MAB21L2: variants seen among roughly 807,000 people sequenced by gnomAD.
The protein encoded by MAB21L2 is protein mab-21-like 2.
A neutral mutation model predicts 29.8 loss-of-function variants in MAB21L2; 15 were observed. That is an observed-to-expected ratio of 0.50 (90% confidence interval 0.34 to 0.78). The LOEUF is 0.78. Among genes scored for constraint, MAB21L2 ranks in the 30% least tolerant of loss-of-function variants. MAB21L2 has a pLI of 0.01. For synonymous variants in MAB21L2, 218 were observed against 210.4 expected, an observed-to-expected ratio of 1.04 and a Z score of -0.31; for missense variants, 321 against 480.1, an observed-to-expected ratio of 0.67 and a Z score of 3.10.
At position 150,583,823 on chromosome 4, in the gene MAB21L2, C is replaced by G; in HGVS notation, c.794C>G (p.Pro265Arg). The change falls in exon 1 of 1, where the codon CCC becomes CGC. Residue 265 changes from proline to arginine, a missense_variant. By Grantham distance (103) the Pro-to-Arg change is moderately radical. Coordinates refer to ENST00000317605, the MANE Select transcript of MAB21L2 (RefSeq NM_006439.5). This position sits in a 1 kb window ranked among gnomAD's most constrained non-coding sequence, Gnocchi z 9.8. The stretch of plus-strand genomic sequence containing the variant: ...CTGCGGGACCGCCACCTGGAGCTAC[C>G]CGGCCAGCCGCTCAACAACTACCAC... ...KTLRDRHLEL[P>R]GQPLNNYHMK... 1 of 1,614,192 alleles carries G rather than the reference C, an allele frequency of 6.2e-7. No homozygotes were observed. The highest frequency in any genetic ancestry group is 1.1e-5 in the South Asian group (1 of 91,078).
At position 150,582,786 on chromosome 4, in the gene MAB21L2, A is replaced by G; in HGVS notation, c.-244A>G. On this transcript the variant is annotated 5_prime_UTR_variant, in exon 1 of 1. Transcript: ENST00000317605. ...TTCCAAGAGGTACTTTTCTTTTTAG[A>G]AAATCACCTTTTCTCCCCTAATTCT... The G allele has an allele frequency of 2.2e-6, 1 of 455,692 alleles. No homozygotes were observed. The allele number at this position is 455,692 out of a possible 1,614,324, so 28.2% of individuals were successfully genotyped here.
rs2126411492 is a variant in MAB21L2 at position 150,584,677 on chromosome 4, ATTACT to A, written c.*573_*577del. The A allele has an allele frequency of 6.0e-6, 1 of 167,172 alleles. No homozygotes were observed. Among genetic ancestry groups the A allele is most frequent in the African/African-American group, 2.4e-5 (1 of 41,558 alleles). The allele number at this position is 167,172 out of a possible 1,614,324, so 10.4% of individuals were successfully genotyped here. On this transcript the variant is annotated 3_prime_UTR_variant, in exon 1 of 1. Transcript: ENST00000317605. ...TCTTGTTGAAAACAGTAATAAAAAC[ATTACT>A]TTACATTGTAATTGACTGTTTGTGG...
Position 150,583,023 on chromosome 4 carries a change from C to A in MAB21L2, c.-7C>A. 6.3e-7 allele frequency: 1 copy of A among 1,582,676 alleles called. No homozygotes were observed. Among genetic ancestry groups the A allele is most frequent in the Non-Finnish European group, 8.6e-7 (1 of 1,163,024 alleles). ...CGCCGGTGTATAGCCCGGACCTGTG[C>A]CCCAACATGATCGCCGCTCAGGCCA... On this transcript the variant is annotated 5_prime_UTR_variant, in exon 1 of 1. Coordinates refer to ENST00000317605, the MANE Select transcript of MAB21L2 (RefSeq NM_006439.5). The surrounding 1 kb of genome is among the most constrained non-coding windows in gnomAD (Gnocchi z 9.8).
At position 150,583,177 on chromosome 4, in the gene MAB21L2, C is replaced by T; in HGVS notation, c.148C>T (p.Pro50Ser). Residue 50 changes from proline (P) to serine (S), a missense_variant, in exon 1 of 1, where the codon CCT becomes TCT. Pro to Ser is a moderately conservative substitution (Grantham distance 74). Coordinates refer to ENST00000317605, the MANE Select transcript of MAB21L2 (RefSeq NM_006439.5). This position sits in a 1 kb window ranked among gnomAD's most constrained non-coding sequence, Gnocchi z 9.8. ...DVLKEVEVQE[P>S]RFISSLSEID... ...GCTCAAGGAAGTGGAGGTGCAGGAG[C>T]CTCGCTTCATCAGCTCCTTGAGCGA... 1.2e-6 allele frequency: 2 copies of T among 1,614,180 alleles called. No individual in the cohort carries two copies. Among genetic ancestry groups the T allele is most frequent in the Non-Finnish European group, 1.7e-6 (2 of 1,180,028 alleles).
Position 150,583,868 on chromosome 4 carries a change from A to G in MAB21L2, c.839A>G (p.Tyr280Cys). 1.9e-6 allele frequency: 3 copies of G among 1,613,998 alleles called. No homozygotes were observed. Among genetic ancestry groups the G allele is most frequent in the Non-Finnish European group, 2.5e-6 (3 of 1,179,972 alleles). ...TACCACATGAAGACGCTGCTGCTGT[A>G]CGAGTGCGAGAAACACCCACGAGAA... The part of the protein sequence containing the change: ...NNYHMKTLLL[Y>C]ECEKHPRETD... Residue 280 changes from tyrosine (Y) to cysteine (C), a missense_variant, in exon 1 of 1, where the codon TAC (tyrosine) becomes TGC (cysteine). Transcript: ENST00000317605. This position sits in a 1 kb window ranked among gnomAD's most constrained non-coding sequence, Gnocchi z 9.8.
chr4:150,584,119 G>A lies in MAB21L2; in HGVS notation c.*10G>A, dbSNP rs961899601. ...CCTGGACAAACTATAGGGTGCTGGG[G>A]ACTGCTTGAAAAGCGACACAAACGG... On this transcript the variant is annotated 3_prime_UTR_variant, in exon 1 of 1. Coordinates refer to ENST00000317605, the MANE Select transcript of MAB21L2 (RefSeq NM_006439.5). 1 of 1,512,592 alleles carries A rather than the reference G, an allele frequency of 6.6e-7. No individual in the cohort carries two copies. The highest frequency in any genetic ancestry group is 1.4e-5 in the African/African-American group (1 of 71,608). 93.7% of individuals were successfully genotyped at this position (1,512,592 alleles called of 1,614,324 possible).
chr4:150,583,456 T>G lies in MAB21L2; in HGVS notation c.427T>G (p.Cys143Gly). The G allele has an allele frequency of 6.2e-7, 1 of 1,613,848 alleles. No homozygotes were observed. The highest frequency in any genetic ancestry group is 8.5e-7 in the Non-Finnish European group (1 of 1,180,018). Residue 143 changes from cysteine to glycine, a missense_variant, in exon 1 of 1, where the codon TGC becomes GGC. By Grantham distance (159) the Cys-to-Gly change is radical (BLOSUM62 -3). Coordinates refer to ENST00000317605, the MANE Select transcript of MAB21L2 (RefSeq NM_006439.5). This position sits in a 1 kb window ranked among gnomAD's most constrained non-coding sequence, Gnocchi z 9.8. ...GCTGGTGGCCCAGGCGGTGGACAAG[T>G]GCAGCTATCGGGATGTGGTCAAGAT... The part of the protein sequence containing the change: ...QTLVAQAVDK[C>G]SYRDVVKMIA...
chr4:150,583,861 C>G lies in MAB21L2; in HGVS notation c.832C>G (p.Leu278Val), dbSNP rs999696293. The G allele has an allele frequency of 6.2e-7, 1 of 1,613,960 alleles. No individual in the cohort carries two copies. Among genetic ancestry groups the G allele is most frequent in the Non-Finnish European group, 8.5e-7 (1 of 1,179,992 alleles). The change falls in exon 1 of 1, where the codon CTG becomes GTG. Residue 278 changes from leucine to valine, a missense_variant. Physicochemically the swap from Leu to Val is conservative, Grantham distance 32 (BLOSUM62 1). Coordinates refer to ENST00000317605, the MANE Select transcript of MAB21L2 (RefSeq NM_006439.5). This position sits in a 1 kb window ranked among gnomAD's most constrained non-coding sequence, Gnocchi z 9.8. ...CAACAACTACCACATGAAGACGCTG[C>G]TGCTGTACGAGTGCGAGAAACACCC... ...PLNNYHMKTL[L>V]LYECEKHPRE...
At position 150,583,773 on chromosome 4, in the gene MAB21L2, C is replaced by T; in HGVS notation, c.744C>T (p.Asn248=). Residue 248 remains asparagine (N), a synonymous_variant, in exon 1 of 1, where the codon AAC becomes AAT. Transcript: ENST00000317605. The surrounding 1 kb of genome is among the most constrained non-coding windows in gnomAD (Gnocchi z 9.8). ...GCCTGCTGATGGGCGGCTGCCGAAA[C>T]AAGTGCCTCTCAGTGCTGAAGACTC... ...ENRLLMGGCR[N]KCLSVLKTLR... The T allele has an allele frequency of 1.2e-6, 2 of 1,614,134 alleles. No homozygotes were observed. Among genetic ancestry groups the T allele is most frequent in the Non-Finnish European group, 1.7e-6 (2 of 1,180,020 alleles).
chr4:150,584,040 C>G lies in MAB21L2; in HGVS notation c.1011C>G (p.Ser337Arg). 6.2e-7 allele frequency: 1 copy of G among 1,607,002 alleles called. No individual in the cohort carries two copies. ...GCAAGCCCCATTCGGCCCTGGAGAGCGCTGCCAAGCAGACCTGGAGGTTGG... is the reference window on the plus strand; with the variant it reads ...GCAAGCCCCATTCGGCCCTGGAGAGGGCTGCCAAGCAGACCTGGAGGTTGG... ...FQGKPHSALE[S>R]AAKQTWRLAR... Residue 337 changes from serine to arginine, a missense_variant, in exon 1 of 1, where the codon AGC becomes AGG. By Grantham distance (110) the Ser-to-Arg change is moderately radical (BLOSUM62 -1). Coordinates refer to ENST00000317605, the MANE Select transcript of MAB21L2 (RefSeq NM_006439.5).
Sources: allele counts gnomAD v4.1 joint callset, GRCh38; gene constraint gnomAD v4.1.1; non-coding constraint Gnocchi (gnomAD v3.1); transcripts MANE v1.5; gene names NCBI Gene and HGNC (gene_info 2026-07-23, HGNC 2026-07-21).